Variants in MCUB observed in about 807,000 individuals in gnomAD.
MCUB encodes the protein calcium uniporter regulatory subunit MCUb, mitochondrial.
MCUB carries 46 observed loss-of-function variants against 41.4 expected under a neutral mutation model. The observed-to-expected ratio is 1.11, with a 90% CI of 0.88 to 1.42. MCUB has a LOEUF of 1.42. MCUB is among the 40% of genes most tolerant of loss of function. The probability of loss-of-function intolerance (pLI) is 0.00; values close to 1 mark genes in which losing one functional copy is unlikely to be tolerated. For synonymous variants in MCUB, 148 were observed against 148.2 expected (o/e 1.00, Z 0.01); for missense variants, 403 against 404.9 (o/e 1.00, Z 0.04).
At chr4:109,686,061 T>C (rs1354248650) in intron 7 of MCUB, among the ~76,000 whole-genome samples, 26 of 152,248 alleles carry the variant, frequency 1.7e-4, no homozygotes, top group Admixed American at 1.7e-3. Flanking sequence ...CCTTTTGTTA[T>C]GTGTACTTTC....
chr4:109,607,938 G>A (rs2126132718), intron 1 of MCUB, among the ~76,000 whole-genome samples: 1 of 152,092 alleles, frequency 6.6e-6, no homozygotes, highest in East Asian at 1.9e-4. Flanking sequence ...CTTTTCCTAG[G>A]TTTGGGAAGT....
chr4:109,607,720 T>C (rs1422815145), intron 1 of MCUB, among the ~76,000 whole-genome samples: 2 of 152,222 alleles, frequency 1.3e-5, no homozygotes, highest in African/African-American at 4.8e-5. Context: ...CACTCTCTCC[T>C]GGCCTGTAAG....
Position 109,608,887 on chromosome 4 carries a change from T to C in MCUB, c.99+48451T>C, listed in dbSNP as rs568051843. Among the ~76,000 whole-genome samples, 99 of 152,304 alleles carry C rather than the reference T, an allele frequency of 6.5e-4. 1 individual carries two copies. Among genetic ancestry groups the C allele is most frequent in the African/African-American group, 2.2e-3 (90 of 41,564 alleles). On this transcript the variant is annotated intron_variant, in intron 1 of 7. Transcript: ENST00000394650. Reference sequence around the variant, plus strand: ...AAGATTTCCAAATATTTAAAGGGACTTGGGTGTTGTGATCTAAGCAATATC... The same window carrying C: ...AAGATTTCCAAATATTTAAAGGGACCTGGGTGTTGTGATCTAAGCAATATC...
chr4:109,596,951 C>G (rs1352817572), intron 1 of MCUB, among the ~76,000 whole-genome samples: 1 of 151,782 alleles, frequency 6.6e-6, no homozygotes, highest in Non-Finnish European at 1.5e-5. Context: ...AGCATGCTGC[C>G]TTCAAGCGTC....
chr4:109,606,313 C>A (rs755460476), intron 1 of MCUB, among the ~76,000 whole-genome samples: 1 of 151,986 alleles, frequency 6.6e-6, no homozygotes, highest in Non-Finnish European at 1.5e-5. Context: ...TAGCCACTCT[C>A]TGTCTTCTGA....
At chr4:109,639,943 C>T (rs1056738147) in intron 1 of MCUB, among the ~76,000 whole-genome samples, 8 of 152,170 alleles carry the variant, frequency 5.3e-5, no homozygotes, top group South Asian at 2.1e-4. Flanking sequence ...GTGTCACGTG[C>T]GTTTGTATGA....
chr4:109,654,783 T>C (rs1275579467), intron 1 of MCUB, among the ~76,000 whole-genome samples: 1 of 152,194 alleles, frequency 6.6e-6, no homozygotes, highest in Admixed American at 6.5e-5. Context: ...ATCATAATGC[T>C]CATATGGGTT....
Position 109,643,114 on chromosome 4 carries a change from C to T in MCUB, c.100-15897C>T, listed in dbSNP as rs898615577. ...GGCCACTCTCAGCTAGATTTTAATA[C>T]GGGAAACAACTTACCATTTTTTTAA... On this transcript the variant is annotated intron_variant, in intron 1 of 7. Coordinates refer to ENST00000394650, the MANE Select transcript of MCUB (RefSeq NM_017918.5). 5.3e-5 allele frequency among the ~76,000 whole-genome samples: 8 copies of T among 151,440 alleles called. No homozygotes were observed. The East Asian group carries it at 5.9e-4, about 11-fold the overall frequency.
intron 1 of MCUB, among the ~76,000 whole-genome samples, chr4:109,593,473 C>G (rs1286512516): frequency 6.6e-6 from 1 of 152,184 alleles, no homozygotes; most frequent in Admixed American, 6.6e-5. Flanking sequence ...GATTCAGAGA[C>G]TGGATGATTA....
chr4:109,631,338 TTTTTC>T (rs1472877485), intron 1 of MCUB, among the ~76,000 whole-genome samples: 2 of 152,152 alleles, frequency 1.3e-5, no homozygotes, highest in African/African-American at 4.8e-5. Flanking sequence ...TAGGAATCTG[TTTTTC>T]TTTTCAACTA....
At chr4:109,604,552 A>G (rs1228524416) in intron 1 of MCUB, among the ~76,000 whole-genome samples, 1 of 152,136 alleles carries the variant, frequency 6.6e-6, no homozygotes, top group Non-Finnish European at 1.5e-5. Context: ...TATCAATACT[A>G]TGGTAAATAA....
intron 2 of MCUB, among the ~76,000 whole-genome samples, chr4:109,659,719 C>T (rs1478538052): frequency 6.6e-6 from 1 of 152,180 alleles, no homozygotes; most frequent in Admixed American, 6.5e-5. Flanking sequence ...TGCAGTGGCA[C>T]GATCTCGGCT....
intron 6 of MCUB, chr4:109,685,028 T>G: frequency 2.4e-6 from 1 of 415,884 alleles, no homozygotes; most frequent in Non-Finnish European, 4.2e-6. Flanking sequence ...CCATTATGTG[T>G]AATTTCTCTT....
intron 1 of MCUB, among the ~76,000 whole-genome samples, chr4:109,599,175 G>A (rs1417098659): frequency 6.6e-6 from 1 of 152,186 alleles, no homozygotes; most frequent in Non-Finnish European, 1.5e-5. Flanking sequence ...CCTTCAACAG[G>A]TTAAGTTGAA....
intron 1 of MCUB, among the ~76,000 whole-genome samples, chr4:109,615,050 G>T (rs1254442789): frequency 6.6e-6 from 1 of 152,154 alleles, no homozygotes; most frequent in Admixed American, 6.5e-5. Context: ...ATGATAATTG[G>T]TTGAAAATCT....
At chr4:109,562,711 C>T (rs1242531863) in intron 1 of MCUB, among the ~76,000 whole-genome samples, 6 of 152,144 alleles carry the variant, frequency 3.9e-5, no homozygotes, top group Admixed American at 2.0e-4. Context: ...AAGGACTTGT[C>T]GTAAGCAGTA....
intron 1 of MCUB, among the ~76,000 whole-genome samples, chr4:109,595,294 A>G (rs2126129364): frequency 6.6e-6 from 1 of 152,376 alleles, no homozygotes; most frequent in Non-Finnish European, 1.5e-5. Flanking sequence ...GAGGTAGTGC[A>G]GGGGAGAGAT....
At chr4:109,687,473 CTCT>C (rs1729874143) in intron 7 of MCUB, 39 bp from the exon 8 acceptor site, 1 of 1,373,436 alleles carries the variant, frequency 7.3e-7, no homozygotes, top group Non-Finnish European at 1.0e-6. Flanking sequence ...TGGTATGTTT[CTCT>C]TCTTTCTGAT....
At chr4:109,620,928 T>C (rs1173303409) in intron 1 of MCUB, among the ~76,000 whole-genome samples, 1 of 151,186 alleles carries the variant, frequency 6.6e-6, no homozygotes, top group African/African-American at 2.4e-5. Flanking sequence ...AGATGGAGTC[T>C]CTCTCTGTCA....
Sources: gnomAD v4.1 joint callset for allele counts (sites outside exome capture counted in the v4.1 genomes callset) on GRCh38, gnomAD v4.1.1 for gene constraint, MANE v1.5 for transcripts, NCBI Gene and HGNC (gene_info 2026-07-23, HGNC 2026-07-21) for gene names.